TLL1: variants seen among roughly 807,000 people sequenced by gnomAD.
The protein encoded by TLL1 is tolloid like 1.
A neutral mutation model predicts 128.2 loss-of-function variants in TLL1; 49 were observed. The ratio of observed to expected loss-of-function variants is 0.38; its 90% CI spans 0.30 to 0.48. The LOEUF is 0.48. Ranked by LOEUF, TLL1 falls within the 20% of genes least tolerant of loss-of-function variation. The pLI, the probability that TLL1 is intolerant of heterozygous loss-of-function variation, is 0.96. For missense variants in TLL1, 1,123 were observed against 1,242.0 expected (o/e 0.90, Z 1.44); for synonymous variants, 454 against 418.8 (o/e 1.08, Z -1.03).
At position 165,959,100 on chromosome 4, in the gene TLL1, T is replaced by C. The variant is rs556471435; in HGVS notation, c.170-30281T>C. On this transcript the variant is annotated intron_variant, in intron 1 of 20. Coordinates refer to ENST00000061240, the MANE Select transcript of TLL1 (RefSeq NM_012464.5). ...CTGTTTTGGTACCAGTACCATGCTG[T>C]TTTGGTTACTGTAGCCTTGTAGTAT... 7.4e-3 allele frequency among the ~76,000 whole-genome samples: 1,126 copies of C among 151,200 alleles called. 7 individuals are homozygous for C. Among genetic ancestry groups the C allele is most frequent in the Non-Finnish European group, 0.01 (685 of 67,690 alleles).
chr4:165,996,053 A>G (rs1436209280), intron 5 of TLL1, among the ~76,000 whole-genome samples: 4 of 151,904 alleles, frequency 2.6e-5, no homozygotes, highest in Non-Finnish European at 4.4e-5. Context: ...GTTTTTGCTC[A>G]TGATAGTTTT....
intron 9 of TLL1, among the ~76,000 whole-genome samples, chr4:166,027,822 A>T (rs1466614457): frequency 6.6e-6 from 1 of 152,150 alleles, no homozygotes; most frequent in Non-Finnish European, 1.5e-5. Flanking sequence ...AATATCTGGG[A>T]AAAACATTTC....
chr4:166,037,858 A>T (rs184400475), intron 9 of TLL1, among the ~76,000 whole-genome samples: 317 of 152,134 alleles, frequency 2.1e-3, no homozygotes, highest in African/African-American at 6.9e-3. Context: ...CTACATTTTT[A>T]AAAAATTCCA....
intron 18 of TLL1, among the ~76,000 whole-genome samples, chr4:166,084,542 T>C (rs1025838863): frequency 6.6e-6 from 1 of 152,176 alleles, no homozygotes; most frequent in East Asian, 1.9e-4. Flanking sequence ...CTTTAATTCA[T>C]TTAGAATTGG....
intron 1 of TLL1, among the ~76,000 whole-genome samples, chr4:165,921,150 T>C (rs751424866): frequency 4.6e-5 from 7 of 152,198 alleles, no homozygotes; most frequent in Non-Finnish European, 1.0e-4. Flanking sequence ...CCTGGGTTGT[T>C]ATGGGGCCCA....
chr4:166,059,894 C>G, intron 14 of TLL1, 134 bp from the exon 15 acceptor site: 1 of 1,055,972 alleles, frequency 9.5e-7, no homozygotes, highest in Non-Finnish European at 1.4e-6. Context: ...CAGAGACTGC[C>G]ATTTCTGGAT....
intron 1 of TLL1, among the ~76,000 whole-genome samples, chr4:165,898,814 T>C (rs1731813676): frequency 6.6e-6 from 1 of 152,320 alleles, no homozygotes; most frequent in Admixed American, 6.5e-5. Flanking sequence ...TACCAGCTCC[T>C]CTTTGTACCT....
chr4:166,028,707 T>C (rs1038197810), intron 9 of TLL1, among the ~76,000 whole-genome samples: 3 of 152,062 alleles, frequency 2.0e-5, no homozygotes, highest in Admixed American at 2.0e-4. Flanking sequence ...TATTAAACTA[T>C]TATCACTGTA....
At chr4:165,926,551 G>T (rs932830660) in intron 1 of TLL1, among the ~76,000 whole-genome samples, 1 of 152,168 alleles carries the variant, frequency 6.6e-6, no homozygotes, top group African/African-American at 2.4e-5. Context: ...GAAGGCAGAG[G>T]GGGGAGTCCT....
intron 8 of TLL1, among the ~76,000 whole-genome samples, chr4:166,021,127 A>G (rs1321363665): frequency 6.6e-6 from 1 of 152,158 alleles, no homozygotes; most frequent in African/African-American, 2.4e-5. Flanking sequence ...ATAGTTACTT[A>G]TATTTTGAGA....
intron 18 of TLL1, among the ~76,000 whole-genome samples, chr4:166,089,246 G>A (rs758255025): frequency 6.6e-6 from 1 of 152,110 alleles, no homozygotes; most frequent in Non-Finnish European, 1.5e-5. Flanking sequence ...TCTAGGTGCG[G>A]TTAAGCCAAT....
Position 165,974,301 on chromosome 4 carries a change from C to T in TLL1, c.170-15080C>T, listed in dbSNP as rs987965922. On this transcript the variant is annotated intron_variant, in intron 1 of 20. Coordinates refer to ENST00000061240, the MANE Select transcript of TLL1 (RefSeq NM_012464.5). Reference sequence around the variant, plus strand: ...GACTACAGGCGCCCGCCACTACGCCCGGCTAATTTTTTGTATTTTTCATAG... The same window carrying T: ...GACTACAGGCGCCCGCCACTACGCCTGGCTAATTTTTTGTATTTTTCATAG... 5.6e-5 allele frequency among the ~76,000 whole-genome samples: 8 copies of T among 142,574 alleles called. No individual in the cohort carries two copies. The East Asian group carries it at 1.4e-3, about 24-fold the overall frequency. 93.5% of individuals were successfully genotyped at this position (142,574 alleles called of 152,430 possible).
At chr4:166,091,413 A>G (rs78251640) in intron 19 of TLL1, 72 bp downstream of exon 19, 7 of 1,309,998 alleles carry the variant, frequency 5.3e-6, no homozygotes, top group Non-Finnish European at 7.6e-6. Flanking sequence ...ATTTGGTTCA[A>G]TAATAGGATT....
intron 12 of TLL1, among the ~76,000 whole-genome samples, chr4:166,050,890 A>G (rs1739688768): frequency 6.6e-6 from 1 of 152,378 alleles, no homozygotes; most frequent in East Asian, 1.9e-4. Context: ...AGTGAAATGT[A>G]CTATGAATCC....
chr4:166,052,963 G>GTGTA (rs1355350724), intron 12 of TLL1, among the ~76,000 whole-genome samples: 1 of 47,450 alleles, frequency 2.1e-5, no homozygotes, highest in Non-Finnish European at 4.0e-5. Context: ...AAGAGGTTAT[G>GTGTA]TGTATATATA....
At chr4:165,902,293 A>G (rs925985248) in intron 1 of TLL1, among the ~76,000 whole-genome samples, 13 of 71,924 alleles carry the variant, frequency 1.8e-4, no homozygotes, top group African/African-American at 5.6e-4. Flanking sequence ...CCAGGTTATG[A>G]AAAAAAAACA....
At chr4:165,887,454 G>C (rs1416824587) in intron 1 of TLL1, among the ~76,000 whole-genome samples, 1 of 152,168 alleles carries the variant, frequency 6.6e-6, no homozygotes, top group Non-Finnish European at 1.5e-5. Context: ...AGGAGTCAAA[G>C]ATGACTTCAT....
Position 166,057,241 on chromosome 4 carries a change from C to A in TLL1, c.1778C>A (p.Thr593Asn), listed in dbSNP as rs1740059249. The A allele has an allele frequency of 6.2e-7, 1 of 1,613,854 alleles. No individual in the cohort carries two copies. The highest frequency in any genetic ancestry group is 1.3e-5 in the African/African-American group (1 of 74,924). Residue 593 changes from threonine to asparagine, a missense_variant, in exon 14 of 21, where the codon ACT (threonine) becomes AAT (asparagine). By Grantham distance (65) the Thr-to-Asn change is moderately conservative. Around this residue, in one of 3 missense-constraint regions of TLL1, gnomAD observed 634 missense variants for 672.4 expected, o/e 0.94. Coordinates refer to ENST00000061240, the MANE Select transcript of TLL1 (RefSeq NM_012464.5). ...RGGCEQRCLN[T>N]LGSYQCACEP... ...GGCTGTGAGCAGCGATGTCTGAACA[C>A]TCTGGGCAGTTACCAGTGTGCCTGT...
chr4:166,063,565 A>G (rs1464847027), intron 15 of TLL1, among the ~76,000 whole-genome samples: 1 of 152,192 alleles, frequency 6.6e-6, no homozygotes, highest in Non-Finnish European at 1.5e-5. Context: ...GGCACTATTG[A>G]CAATAGCAAA....
Sources: gnomAD v4.1 joint callset for allele counts (sites outside exome capture counted in the v4.1 genomes callset) on GRCh38, gnomAD v4.1.1 for gene constraint, gnomAD v4.1.1 regional missense constraint, MANE v1.5 for transcripts, NCBI Gene and HGNC (gene_info 2026-07-23, HGNC 2026-07-21) for gene names.